The following RBPJ variants were observed in gnomAD, a reference collection of about 807,000 sequenced individuals.
RBPJ encodes recombination signal binding protein for immunoglobulin kappa J region, also known as recombining binding protein suppressor of hairless.
In RBPJ, 9 loss-of-function variants were observed where a neutral mutation model predicts 67.8. The observed-to-expected ratio is 0.13, with a 90% CI of 0.08 to 0.23. The LOEUF (loss-of-function observed/expected upper bound fraction) is 0.23, where lower values mean the gene tolerates loss of function less well. Ranked by LOEUF, RBPJ falls within the 10% of genes least tolerant of loss-of-function variation. The pLI is 1.00. For missense variants in RBPJ, 305 were observed against 595.6 expected, an observed-to-expected ratio of 0.51 and a Z score of 5.08; for synonymous variants, 198 against 203.3, an observed-to-expected ratio of 0.97 and a Z score of 0.22.
At chr4:26,184,181 CAAA>C (rs150415692) in intron 1 of RBPJ, among the ~76,000 whole-genome samples, 7 of 89,830 alleles carry the variant, frequency 7.8e-5, no homozygotes, top group Non-Finnish European at 1.2e-4. Context: ...GACTTCATCT[CAAA>C]AAAAAAAAAA....
chr4:26,115,270 C>T, the RBPJ span, among the ~76,000 whole-genome samples: 1 of 152,338 alleles, frequency 6.6e-6, no homozygotes, highest in African/African-American at 2.4e-5. Context: ...ATCGTCATTA[C>T]CGCTGAACTG....
intron 1 of RBPJ, among the ~76,000 whole-genome samples, chr4:26,253,278 A>G (rs1439760823): frequency 6.8e-6 from 1 of 148,002 alleles, no homozygotes; most frequent in Admixed American, 6.7e-5. Context: ...CTTTAACTGC[A>G]TTTTATCAGA....
chr4:26,283,818 G>A (rs993763644), intron 1 of RBPJ, among the ~76,000 whole-genome samples: 20 of 151,862 alleles, frequency 1.3e-4, no homozygotes, highest in Non-Finnish European at 2.2e-4. Context: ...AGCTAATTTC[G>A]TACTTTTAGT....
intron 1 of RBPJ, among the ~76,000 whole-genome samples, chr4:26,186,020 T>A (rs1560201922): frequency 6.6e-6 from 1 of 151,984 alleles, no homozygotes; most frequent in African/African-American, 2.4e-5. Context: ...CACTCCAGCG[T>A]AGGCGACAAG....
rs530686588 is a variant in RBPJ, at chr4:26,222,697, C to T, written c.-167+59083C>T. ...AACAAAAGGAAAGAAAGAAAAAGAA[C>T]AGATGAACAAACAAGTGAATGAATA... On this transcript the variant is annotated intron_variant, in intron 1 of 4. Transcript: ENST00000512351. Among the ~76,000 whole-genome samples, 6 of 145,368 alleles carry T rather than the reference C, an allele frequency of 4.1e-5. No homozygotes were observed. The South Asian group carries it at 1.3e-3, about 32-fold the overall frequency.
chr4:26,285,072 A>T (rs1012146094), intron 1 of RBPJ, among the ~76,000 whole-genome samples: 1 of 151,550 alleles, frequency 6.6e-6, no homozygotes, highest in Non-Finnish European at 1.5e-5. Flanking sequence ...GGCCAGGCTG[A>T]TCTCGAACTC....
chr4:26,396,027 C>T (rs1457650808), intron 2 of RBPJ, among the ~76,000 whole-genome samples: 1 of 152,154 alleles, frequency 6.6e-6, no homozygotes, highest in Non-Finnish European at 1.5e-5. Flanking sequence ...AGGAGAGCAT[C>T]CATTTTAAAT....
rs372803486 is a variant in RBPJ at position 26,422,312 on chromosome 4, TAATA to T, written c.496+1588_496+1591del. On this transcript the variant is annotated intron_variant, in intron 5 of 10. Transcript: ENST00000355476. ...TCAGCAAACTTTAACCTAATGGTTT[TAATA>T]GTCATTGATGATGTTTAAATCCATT... Among the ~76,000 whole-genome samples, 28 of 152,300 alleles carry T rather than the reference TAATA, an allele frequency of 1.8e-4. No homozygotes were observed. The East Asian group carries it at 5.2e-3, about 28-fold the overall frequency.
intron 2 of RBPJ, among the ~76,000 whole-genome samples, chr4:26,401,431 AG>A (rs1732787661): frequency 6.6e-6 from 1 of 152,226 alleles, no homozygotes; most frequent in Non-Finnish European, 1.5e-5. Flanking sequence ...GTTACCCTCA[AG>A]GTCATTGGTT....
intron 1 of RBPJ, among the ~76,000 whole-genome samples, chr4:26,186,561 G>A (rs903682792): frequency 6.6e-6 from 1 of 152,142 alleles, no homozygotes; most frequent in East Asian, 1.9e-4. Flanking sequence ...ACCCTCTGAG[G>A]TCAGGGTTGG....
At position 26,323,397 on chromosome 4, in the gene RBPJ, G is replaced by A. The variant is rs73113377; in HGVS notation, c.20+2349G>A. On this transcript the variant is annotated intron_variant, in intron 1 of 10. Coordinates refer to ENST00000355476, the MANE Select transcript of RBPJ (RefSeq NM_015874.6). ...AAAGCGCTTTTACCATTTGAGTTGC[G>A]TTTTTCTTTCTAAATCGTGTAATAC... Among the ~76,000 whole-genome samples, 385 of 152,210 alleles carry A rather than the reference G, an allele frequency of 2.5e-3. 1 individual carries two copies. Among genetic ancestry groups the A allele is most frequent in the African/African-American group, 8.8e-3 (367 of 41,520 alleles).
intron 4 of RBPJ, among the ~76,000 whole-genome samples, chr4:26,417,519 A>C (rs1204554313): frequency 6.6e-6 from 1 of 152,220 alleles, no homozygotes; most frequent in Non-Finnish European, 1.5e-5. Context: ...AGGTTAGTAC[A>C]ATGTCTGTAA....
rs1367126191 is a variant in RBPJ at position 26,223,222 on chromosome 4, A to G, written c.-167+59608A>G. Among the ~76,000 whole-genome samples the G allele has an allele frequency of 2.0e-5, 3 of 151,632 alleles. No individual in the cohort carries two copies. In the East Asian group the frequency reaches 5.8e-4, roughly 29 times the overall value. ...TGGTGGATGTGCTGCTTTGAGGAGCACTCTTTGAGACTGGAATGAGGCTCA... is the reference window on the plus strand; with the variant it reads ...TGGTGGATGTGCTGCTTTGAGGAGCGCTCTTTGAGACTGGAATGAGGCTCA... On this transcript the variant is annotated intron_variant, in intron 1 of 4. Transcript: ENST00000512351.
chr4:26,426,285 A>G (rs538258068), intron 7 of RBPJ, among the ~76,000 whole-genome samples: 4 of 152,320 alleles, frequency 2.6e-5, no homozygotes, highest in African/African-American at 9.6e-5. Context: ...CTGATCACCA[A>G]TAGTTTATAA....
intron 2 of RBPJ, among the ~76,000 whole-genome samples, chr4:26,402,630 G>C (rs1024839048): frequency 2.6e-5 from 4 of 152,010 alleles, no homozygotes; most frequent in African/African-American, 7.2e-5. Context: ...CCCTTCTTTC[G>C]AGGTTGTGTC....
intron 4 of RBPJ, 71 bp from the exon 5 acceptor site, chr4:26,420,466 CTTAAACCATGGCCA>C (rs1735016270): frequency 1.1e-6 from 1 of 875,332 alleles, no homozygotes. Context: ...TTACTTATTA[CTTAAACCATGGCCA>C]TTCTGAGTTT....
intron 1 of RBPJ, among the ~76,000 whole-genome samples, chr4:26,213,474 A>T (rs1203467289): frequency 1.3e-5 from 2 of 152,186 alleles, no homozygotes; most frequent in African/African-American, 4.8e-5. Flanking sequence ...TTCCTAACAG[A>T]GGACACAGTA....
intron 1 of RBPJ, among the ~76,000 whole-genome samples, chr4:26,325,724 T>C (rs1723558023): frequency 6.6e-6 from 1 of 152,186 alleles, no homozygotes; most frequent in Non-Finnish European, 1.5e-5. Flanking sequence ...TGTTTGCCAT[T>C]TTCTCTCCAT....
chr4:26,396,652 TG>T (rs1732149991), intron 2 of RBPJ, among the ~76,000 whole-genome samples: 1 of 152,226 alleles, frequency 6.6e-6, no homozygotes. Context: ...TATGCCTATT[TG>T]GGAGTGGGAG....
Sources: allele counts gnomAD v4.1 joint callset (sites outside exome capture counted in the v4.1 genomes callset), GRCh38; gene constraint gnomAD v4.1.1; transcripts MANE v1.5; gene names NCBI Gene and HGNC (gene_info 2026-07-23, HGNC 2026-07-21).